The following AMDHD2 variants were observed in gnomAD, a reference collection of about 807,000 sequenced individuals.
AMDHD2 encodes the protein N-acetylglucosamine-6-phosphate deacetylase.
AMDHD2 carries 24 observed loss-of-function variants against 41.8 expected under a neutral mutation model. The ratio of observed to expected loss-of-function variants is 0.57; its 90% confidence interval spans 0.42 to 0.81. AMDHD2 has a LOEUF of 0.81. Among genes scored for constraint, AMDHD2 ranks in the 30% least tolerant of loss-of-function variants. AMDHD2 has a pLI of 0.00. For missense variants in AMDHD2, 540 were observed against 588.5 expected (o/e 0.92, Z 0.85); for synonymous variants, 332 against 255.5 (o/e 1.30, Z -2.85).
rs181555422 is a variant in AMDHD2, at chr16:2,522,352, G to C, written c.360+1229G>C. ...CTGTCTTAGTCCCCCAGAGTAGCTG[G>C]CACTACGGGCTTGTGCCACCACACC... On this transcript the variant is annotated intron_variant, in intron 3 of 10. Transcript: ENST00000293971. Among the ~76,000 whole-genome samples, 558 of 152,208 alleles carry C rather than the reference G, an allele frequency of 3.7e-3. 3 individuals carry two copies. Among genetic ancestry groups the C allele is most frequent in the African/African-American group, 0.011 (470 of 41,546 alleles).
In AMDHD2 at chr16:2,531,024, G is replaced by C. The variant is rs2066087991; in HGVS notation, c.*1461G>C. On this transcript the variant is annotated 3_prime_UTR_variant, in exon 11 of 11. Coordinates refer to ENST00000293971, the MANE Select transcript of AMDHD2 (RefSeq NM_001330449.2). ...GTTCTCAGCCGATGTGTTAGAGGTT[G>C]AGCATCGCCTGTGCCCAGCTTGCTG... The C allele has an allele frequency of 3.1e-6, 5 of 1,603,760 alleles. No individual in the cohort carries two copies. Among genetic ancestry groups the C allele is most frequent in the Non-Finnish European group, 4.3e-6 (5 of 1,172,088 alleles).
chr16:2,530,428 G>A lies in AMDHD2; in HGVS notation c.*865G>A, dbSNP rs567362201. Reference sequence around the variant, plus strand: ...GCCGTGAGGCTCCCTGAACAGCTTCGAGGCGGGTGGGCTTCTGGAGCCCTC... The same window carrying A: ...GCCGTGAGGCTCCCTGAACAGCTTCAAGGCGGGTGGGCTTCTGGAGCCCTC... On this transcript the variant is annotated 3_prime_UTR_variant, in exon 11 of 11. Transcript: ENST00000293971. 8 of 1,614,104 alleles carry A rather than the reference G, an allele frequency of 5.0e-6. No individual in the cohort carries two copies. In the African/African-American group the frequency reaches 5.3e-5, roughly 11 times the overall value.
intron 3 of AMDHD2, among the ~76,000 whole-genome samples, chr16:2,521,415 C>G (rs1009730621): frequency 6.6e-6 from 1 of 152,286 alleles, no homozygotes; most frequent in East Asian, 1.9e-4. Flanking sequence ...CTGGCTGCCT[C>G]CAGGCTTCAG....
Position 2,530,897 on chromosome 16 carries a change from G to A in AMDHD2, c.*1334G>A, listed in dbSNP as rs375338784. 2.4e-5 allele frequency: 38 copies of A among 1,613,386 alleles called. No individual in the cohort carries two copies. Among genetic ancestry groups the A allele is most frequent in the Middle Eastern group, 1.6e-4 (1 of 6,080 alleles). On this transcript the variant is annotated 3_prime_UTR_variant, in exon 11 of 11. Coordinates refer to ENST00000293971, the MANE Select transcript of AMDHD2 (RefSeq NM_001330449.2). Reference sequence around the variant, plus strand: ...CAGGGATACCCACCTCTGCCTTGACGGCCGCGCACCCCTTAGGAAGTGGCT... The same window carrying A: ...CAGGGATACCCACCTCTGCCTTGACAGCCGCGCACCCCTTAGGAAGTGGCT...
intron 3 of AMDHD2, among the ~76,000 whole-genome samples, chr16:2,523,177 C>T (rs1011599608): frequency 2.0e-5 from 3 of 152,168 alleles, no homozygotes; most frequent in Admixed American, 6.6e-5. Flanking sequence ...TGAATATTTT[C>T]TTATGGAGCC....
intron 3 of AMDHD2, 35 bp downstream of exon 3, chr16:2,521,158 C>T (rs1338015556): frequency 9.2e-6 from 14 of 1,518,556 alleles, no homozygotes; most frequent in East Asian, 2.4e-5. Flanking sequence ...GTGGAGGGGG[C>T]TCCCGGAGCA....
Position 2,528,321 on chromosome 16 carries a change from C to T in AMDHD2, c.803C>T (p.Ala268Val). The part of the protein sequence containing the change: ...AGRCIFYGMI[A>V]DGTHTNPAAL... ...CGCTGCATCTTCTATGGGATGATTG[C>T]AGATGGCACGCACACCAACCCCGCC... The change falls in exon 7 of 11, where the codon GCA becomes GTA. Residue 268 changes from alanine to valine, a missense_variant. Transcript: ENST00000293971. 1.2e-6 allele frequency: 2 copies of T among 1,612,820 alleles called. No homozygotes were observed. The highest frequency in any genetic ancestry group is 2.7e-5 in the African/African-American group (2 of 75,052).
rs773556315 is a variant in AMDHD2, at chr16:2,530,345, C to T, written c.*782C>T. ...TGTGCCCTGCTCACCCCATTAGTGT[C>T]ATCCTGCCATCTTCTGTGTCCCCTT... On this transcript the variant is annotated 3_prime_UTR_variant, in exon 11 of 11. Transcript: ENST00000293971. The T allele has an allele frequency of 1.2e-6, 2 of 1,614,178 alleles. No individual in the cohort carries two copies. Among genetic ancestry groups the T allele is most frequent in the Admixed American group, 1.7e-5 (1 of 60,018 alleles).
Position 2,520,415 on chromosome 16 carries a change from C to A in AMDHD2, c.-44C>A, listed in dbSNP as rs756533719. ...GTTCGTCACTGGGCGCGGGATTTGG[C>A]CGCCGCGGGGCTCCGGAGCCGCTCG... On this transcript the variant is annotated 5_prime_UTR_variant, in exon 1 of 11. Transcript: ENST00000293971. The A allele has an allele frequency of 1.6e-6, 2 of 1,219,258 alleles. No individual in the cohort carries two copies. The highest frequency in any genetic ancestry group is 2.0e-6 in the Non-Finnish European group (2 of 976,616). 75.5% of individuals were successfully genotyped at this position (1,219,258 alleles called of 1,614,324 possible). A position where few individuals can be genotyped will look rare whatever the true frequency, so the allele number is the denominator to read the frequency against.
chr16:2,521,241 C>G (rs901053629), intron 3 of AMDHD2, 118 bp downstream of exon 3: 1 of 1,308,608 alleles, frequency 7.6e-7, no homozygotes, highest in Non-Finnish European at 1.0e-6. Flanking sequence ...CTGAGTCTGG[C>G]CTCCTTTGAT....
rs776969113 is a variant in AMDHD2 at position 2,530,331 on chromosome 16, C to G, written c.*768C>G. 7.4e-6 allele frequency: 12 copies of G among 1,614,148 alleles called. No homozygotes were observed. In the South Asian group the frequency reaches 1.3e-4, roughly 18 times the overall value. ...ATGGGAGGCACCAGTGTGCCCTGCT[C>G]ACCCCATTAGTGTCATCCTGCCATC... On this transcript the variant is annotated 3_prime_UTR_variant, in exon 11 of 11. Transcript: ENST00000293971.
intron 10 of AMDHD2, 73 bp from the exon 11 acceptor site, chr16:2,529,399 GGTT>G (rs1349980613): frequency 1.3e-6 from 2 of 1,589,208 alleles, no homozygotes; most frequent in South Asian, 1.1e-5. Context: ...ACCAGCGTCG[GGTT>G]GTTGGGGAGC....
chr16:2,528,014 T>G (rs755947051), intron 5 of AMDHD2, 29 bp downstream of exon 5: 1 of 1,610,350 alleles, frequency 6.2e-7, no homozygotes. Context: ...GTGGGCCTGC[T>G]TGGGGGACCT....
At chr16:2,521,267 T>C (rs576154580) in intron 3 of AMDHD2, 144 bp downstream of exon 3, 21 of 1,136,486 alleles carry the variant, frequency 1.8e-5, no homozygotes, top group Non-Finnish European at 2.4e-5. Context: ...GATCTGGGCC[T>C]GGGTCCCGCC....
chr16:2,520,969 T>A lies in AMDHD2; in HGVS notation c.221-15T>A, dbSNP rs1167872288. The A allele has an allele frequency of 1.9e-6, 3 of 1,597,268 alleles. No homozygotes were observed. In the Admixed American group the frequency reaches 5.1e-5, roughly 27 times the overall value. Reference sequence around the variant, plus strand: ...CTCTGAGCTCCATGCGACACTTCCTTTTCTGTGGCTGCAGGTGGATTTGGT... The same window carrying A: ...CTCTGAGCTCCATGCGACACTTCCTATTCTGTGGCTGCAGGTGGATTTGGT... On this transcript the variant is annotated splice_polypyrimidine_tract_variant and intron_variant, in intron 2 of 10. Coordinates refer to ENST00000293971, the MANE Select transcript of AMDHD2 (RefSeq NM_001330449.2).
chr16:2,527,493 C>T lies in AMDHD2; in HGVS notation c.361-68C>T. ...TGAACTCTGACCTGAGATCTCTGGCCTTGGCTAGGCTGTGGCCTCTGGGAA... is the reference window on the plus strand; with the variant it reads ...TGAACTCTGACCTGAGATCTCTGGCTTTGGCTAGGCTGTGGCCTCTGGGAA... On this transcript the variant is annotated intron_variant, in intron 3 of 10. Transcript: ENST00000293971. This position sits in a 1 kb window ranked among gnomAD's most constrained non-coding sequence, Gnocchi z 6.1. The T allele has an allele frequency of 6.5e-7, 1 of 1,550,340 alleles. No homozygotes were observed. The highest frequency in any genetic ancestry group is 8.8e-7 in the Non-Finnish European group (1 of 1,137,370).
chr16:2,523,223 A>G (rs1441544379), intron 3 of AMDHD2, among the ~76,000 whole-genome samples: 4 of 152,188 alleles, frequency 2.6e-5, no homozygotes, highest in Non-Finnish European at 4.4e-5. Context: ...GAACCCTGTT[A>G]ACAGTACTTT....
In AMDHD2 at chr16:2,531,238, T is replaced by C. The variant is rs1056911908; in HGVS notation, c.*1675T>C. 9 of 891,246 alleles carry C rather than the reference T, an allele frequency of 1.0e-5. No individual in the cohort carries two copies. Among genetic ancestry groups the C allele is most frequent in the Non-Finnish European group, 1.5e-5 (9 of 590,132 alleles). 55.2% of individuals were successfully genotyped at this position (891,246 alleles called of 1,614,324 possible). A position where few individuals can be genotyped will look rare whatever the true frequency, so the allele number is the denominator to read the frequency against. On this transcript the variant is annotated 3_prime_UTR_variant, in exon 11 of 11. Coordinates refer to ENST00000293971, the MANE Select transcript of AMDHD2 (RefSeq NM_001330449.2). ...AGGGTCGGGGAGGGGCTGGCAGAGA[T>C]GGTTGGTCCACAGGGCTAGCCCTGG...
In AMDHD2 at chr16:2,521,107, C is replaced by G. The variant is rs147129473; in HGVS notation, c.344C>G (p.Pro115Arg). 5 of 1,588,198 alleles carry G rather than the reference C, an allele frequency of 3.1e-6. No homozygotes were observed. Among genetic ancestry groups the G allele is most frequent in the Non-Finnish European group, 4.3e-6 (5 of 1,162,632 alleles). The stretch of plus-strand genomic sequence containing the variant: ...TGCCCCACCCTGGTCACTTCCCCAC[C>G]GGAGGTTTATCACAAGGTGAGGTGA... Reference protein sequence around the residue: ...SFCPTLVTSPPEVYHKVVPQI... With the variant: ...SFCPTLVTSPREVYHKVVPQI... Residue 115 changes from proline (P) to arginine (R), a missense_variant, in exon 3 of 11, where the codon CCG (proline) becomes CGG (arginine). Coordinates refer to ENST00000293971, the MANE Select transcript of AMDHD2 (RefSeq NM_001330449.2).
Sources: gnomAD v4.1 joint callset for allele counts (sites outside exome capture counted in the v4.1 genomes callset) on GRCh38, gnomAD v4.1.1 for gene constraint, Gnocchi (gnomAD v3.1) non-coding constraint, MANE v1.5 for transcripts, NCBI Gene and HGNC (gene_info 2026-07-23, HGNC 2026-07-21) for gene names.